The following MECOM variants were observed in gnomAD, a reference collection of about 807,000 sequenced individuals.
MECOM encodes the protein MDS1 and EVI1 complex locus, also known as histone-lysine N-methyltransferase MECOM.
A neutral mutation model predicts 116.3 loss-of-function variants in MECOM; 13 were observed. The ratio of observed to expected loss-of-function variants is 0.11; its 90% CI spans 0.07 to 0.18. The LOEUF (loss-of-function observed/expected upper bound fraction) is 0.18. Ranked by LOEUF, MECOM falls within the 10% of genes least tolerant of loss-of-function variation. The pLI is 1.00. For synonymous variants in MECOM, 528 were observed against 535.2 expected (o/e 0.99, Z 0.19); for missense variants, 1,299 against 1,509.0 (o/e 0.86, Z 2.31).
intron 2 of MECOM, among the ~76,000 whole-genome samples, chr3:169,370,510 G>A (rs1304522905): frequency 2.0e-5 from 3 of 151,582 alleles, no homozygotes; most frequent in East Asian, 1.9e-4. Context: ...GGCAATAAAA[G>A]CAAAAATAAA....
intron 1 of MECOM, among the ~76,000 whole-genome samples, chr3:169,575,915 TC>T (rs1764441720): frequency 6.6e-6 from 1 of 152,102 alleles, no homozygotes; most frequent in East Asian, 1.9e-4. Flanking sequence ...GCCTAGCATT[TC>T]CCTGTAAACC....
intron 1 of MECOM, among the ~76,000 whole-genome samples, chr3:169,576,734 T>C (rs368196949): frequency 2.5e-3 from 374 of 151,956 alleles, no homozygotes; most frequent in African/African-American, 8.7e-3. Flanking sequence ...CAGTGATGCA[T>C]CCAAGGTCCA....
At chr3:169,283,117 C>A (rs1560085579) in intron 2 of MECOM, among the ~76,000 whole-genome samples, 1 of 151,996 alleles carries the variant, frequency 6.6e-6, no homozygotes. Flanking sequence ...GTAACTTAAA[C>A]TGCACTTAGA....
chr3:169,131,749 A>C lies in MECOM; in HGVS notation c.511-218T>G, dbSNP rs1379705571. ...AGCTGTGACTCTCAAGCCAGTTCAC[A>C]AATCTTTTCCAAATCCTACTTCACA... On this transcript the variant is annotated intron_variant, in intron 3 of 16. Coordinates refer to ENST00000651503, the MANE Select transcript of MECOM (RefSeq NM_004991.4). 6.3e-6 allele frequency: 4 copies of C among 637,638 alleles called. No individual in the cohort carries two copies. The East Asian group carries it at 1.4e-4, about 22-fold the overall frequency. 39.5% of individuals were successfully genotyped at this position (637,638 alleles called of 1,614,324 possible).
At chr3:169,314,746 T>C (rs969016080) in intron 2 of MECOM, among the ~76,000 whole-genome samples, 1 of 151,972 alleles carries the variant, frequency 6.6e-6, no homozygotes, top group Admixed American at 6.6e-5. Flanking sequence ...CAGAAACTGA[T>C]AGAGAGGAAA....
In MECOM at chr3:169,287,099, T is replaced by C. The variant is rs528721203; in HGVS notation, c.375+94088A>G. On this transcript the variant is annotated intron_variant, in intron 2 of 16. Transcript: ENST00000651503. ...CTGGGCCCTCCGAAGATAGAAAATA[T>C]CACATTTCTATTTCATTCGACCCTT... is the stretch of plus-strand genomic sequence containing the variant. Among the ~76,000 whole-genome samples, 4 of 152,318 alleles carry C rather than the reference T, an allele frequency of 2.6e-5. No individual in the cohort carries two copies. The South Asian group carries it at 6.2e-4, about 24-fold the overall frequency.
At chr3:169,576,836 C>G (rs5018834) in intron 1 of MECOM, among the ~76,000 whole-genome samples, 23,119 of 112,394 alleles carry the variant, frequency 0.21, 2,615 homozygotes, top group African/African-American at 0.37. Flanking sequence ...CACACACACA[C>G]ACAGAGAGAG....
chr3:169,642,446 CAAAAAAA>C (rs397950899), intron 1 of MECOM, among the ~76,000 whole-genome samples: 5 of 69,496 alleles, frequency 7.2e-5, no homozygotes, highest in Non-Finnish European at 1.5e-4. Context: ...GACTCCATCT[CAAAAAAA>C]AAAAAAAAAG....
intron 2 of MECOM, among the ~76,000 whole-genome samples, chr3:169,365,089 A>T (rs1001866988): frequency 2.0e-5 from 3 of 151,926 alleles, no homozygotes; most frequent in Admixed American, 2.0e-4. Context: ...CTTACAGGAG[A>T]TAATGACTTG....
chr3:169,254,458 A>G (rs1347814609), intron 2 of MECOM, among the ~76,000 whole-genome samples: 1 of 152,206 alleles, frequency 6.6e-6, no homozygotes, highest in South Asian at 2.1e-4. Flanking sequence ...CTACTTTGTT[A>G]CAGGCACTCT....
At chr3:169,615,103 T>C (rs1769836302) in intron 1 of MECOM, 1 of 152,226 alleles carries the variant, frequency 6.6e-6, no homozygotes, top group Admixed American at 6.5e-5. Context: ...TAATACATGT[T>C]TATAAAACAC....
chr3:169,400,209 A>T (rs2108388971), intron 1 of MECOM, among the ~76,000 whole-genome samples: 1 of 152,258 alleles, frequency 6.6e-6, no homozygotes, highest in Non-Finnish European at 1.5e-5. Context: ...TCCTTTTTTT[A>T]ACCTAAATGG....
At chr3:169,333,024 T>C (rs527683001) in intron 2 of MECOM, among the ~76,000 whole-genome samples, 3 of 152,324 alleles carry the variant, frequency 2.0e-5, no homozygotes, top group Admixed American at 6.5e-5. Context: ...AAAAATATGA[T>C]ATTCTAACAA....
chr3:169,429,405 T>C (rs1451385594), intron 1 of MECOM, among the ~76,000 whole-genome samples: 2 of 152,204 alleles, frequency 1.3e-5, no homozygotes, highest in Non-Finnish European at 2.9e-5. Context: ...GTCTAAGCAG[T>C]GAATGTAACC....
chr3:169,227,179 T>C (rs1752833216), intron 2 of MECOM, among the ~76,000 whole-genome samples: 1 of 151,994 alleles, frequency 6.6e-6, no homozygotes, highest in South Asian at 2.1e-4. Flanking sequence ...TAGCAAGAGC[T>C]CACTAATGGG....
intron 1 of MECOM, among the ~76,000 whole-genome samples, chr3:169,490,069 A>T (rs910751368): frequency 1.1e-4 from 17 of 152,232 alleles, no homozygotes; most frequent in African/African-American, 4.1e-4. Flanking sequence ...CACAGAAATG[A>T]AACCTGAATG....
chr3:169,288,087 A>T (rs1713729457), intron 2 of MECOM, among the ~76,000 whole-genome samples: 1 of 152,214 alleles, frequency 6.6e-6, no homozygotes. Context: ...GGTGATATAA[A>T]ACAGTAAGAC....
Position 169,116,364 on chromosome 3 carries a change from G to T in MECOM, c.1508C>A (p.Pro503His). The T allele has an allele frequency of 6.2e-7, 1 of 1,614,190 alleles. No homozygotes were observed. ...AGGAGAACTAGCAGGTATCAAAGGA[G>T]GCCTGTGGTACAAGCCGGAAGGAAA... ...GLFPSGLYHR[P>H]PLIPASSPVK... Residue 503 changes from proline (P) to histidine (H), a missense_variant, in exon 8 of 17, where the codon CCT (proline) becomes CAT (histidine). By Grantham distance (77) the Pro-to-His change is moderately conservative. Coordinates refer to ENST00000651503, the MANE Select transcript of MECOM (RefSeq NM_004991.4).
At chr3:169,509,715 T>C (rs1755718963) in intron 1 of MECOM, among the ~76,000 whole-genome samples, 1 of 152,254 alleles carries the variant, frequency 6.6e-6, no homozygotes, top group South Asian at 2.1e-4. Context: ...CTGAATAATA[T>C]TCCTTTTGTA....
Sources: gnomAD v4.1 joint callset for allele counts (sites outside exome capture counted in the v4.1 genomes callset) on GRCh38, gnomAD v4.1.1 for gene constraint, MANE v1.5 for transcripts, NCBI Gene and HGNC (gene_info 2026-07-23, HGNC 2026-07-21) for gene names.